Variants in TNC observed in about 807,000 individuals in gnomAD.
TNC encodes the protein tenascin.
In TNC, 109 loss-of-function variants were observed where a neutral mutation model predicts 202.4. The observed-to-expected ratio is 0.54, with a 90% CI of 0.46 to 0.63. The LOEUF is 0.63. Among genes scored for constraint, TNC ranks in the 30% least tolerant of loss-of-function variants. The probability of loss-of-function intolerance (pLI) is 0.00; values close to 1 mark genes in which losing one functional copy is unlikely to be tolerated. For missense variants in TNC, 2,756 were observed against 2,833.3 expected (o/e 0.97, Z 0.62); for synonymous variants, 1,007 against 1,089.7 (o/e 0.92, Z 1.50).
chr9:115,084,353 C>T lies in TNC; in HGVS notation c.1987G>A (p.Gly663Ser). ...GGCACACGGAACTGCATTTCCAGAC[C>T]ACCCTCGTGGGTGGGCGTGTACACG... ...LVVYTPTHEG[G>S]LEMQFRVPGD... Residue 663 changes from glycine (G) to serine (S), a missense_variant, in exon 4 of 28, where the codon GGT becomes AGT. Gly to Ser is a moderately conservative substitution (Grantham distance 56). Around this residue, in one of 2 missense-constraint regions of TNC, gnomAD observed 2,559 missense variants for 2,546.0 expected, o/e 1.01. Coordinates refer to ENST00000350763, the MANE Select transcript of TNC (RefSeq NM_002160.4). 4 of 1,614,188 alleles carry T rather than the reference C, an allele frequency of 2.5e-6. No individual in the cohort carries two copies. Among genetic ancestry groups the T allele is most frequent in the Non-Finnish European group, 3.4e-6 (4 of 1,180,042 alleles).
chr9:115,063,746 C>T lies in TNC; in HGVS notation c.3760+50G>A, dbSNP rs370296408. 1.4e-4 allele frequency: 224 copies of T among 1,571,796 alleles called. No individual in the cohort carries two copies. In the African/African-American group the frequency reaches 1.5e-3, roughly 10 times the overall value. On this transcript the variant is annotated intron_variant, in intron 12 of 27. Coordinates refer to ENST00000350763, the MANE Select transcript of TNC (RefSeq NM_002160.4). ...AGCAAGAAAGTGCTTTGATTCCTCCCGAGCAGAGACAAAGGGGAGGAAGTG... is the reference window on the plus strand; with the variant it reads ...AGCAAGAAAGTGCTTTGATTCCTCCTGAGCAGAGACAAAGGGGAGGAAGTG...
chr9:115,111,399 C>CTCTCTT (rs1174066886), intron 1 of TNC, among the ~76,000 whole-genome samples: 1 of 71,360 alleles, frequency 1.4e-5, no homozygotes, highest in East Asian at 6.5e-4. Context: ...CTCTCTCTCT[C>CTCTCTT]TTTTTTTTTT....
intron 22 of TNC, among the ~76,000 whole-genome samples, chr9:115,032,826 T>C (rs1190474978): frequency 1.3e-5 from 2 of 152,246 alleles, no homozygotes; most frequent in East Asian, 3.9e-4. Context: ...GTCTCTGTGC[T>C]GCTGTACAGA....
At chr9:115,091,989 T>G (rs945159370) in intron 1 of TNC, among the ~76,000 whole-genome samples, 4 of 152,154 alleles carry the variant, frequency 2.6e-5, no homozygotes, top group African/African-American at 9.7e-5. Flanking sequence ...ACTTATAGCA[T>G]TTTTACAGAG....
chr9:115,030,458 A>T, intron 23 of TNC, 53 bp from the exon 24 acceptor site: 2 of 1,550,922 alleles, frequency 1.3e-6, no homozygotes, highest in South Asian at 2.4e-5. Flanking sequence ...ACTGAGCTGG[A>T]GCTTAATTCT....
intron 10 of TNC, among the ~76,000 whole-genome samples, chr9:115,068,270 G>C (rs1833103314): frequency 6.6e-6 from 1 of 152,160 alleles, no homozygotes; most frequent in Non-Finnish European, 1.5e-5. Context: ...ATCTACCCTT[G>C]AACAATGTCA....
At chr9:115,080,488 T>G (rs1834221834) in intron 6 of TNC, among the ~76,000 whole-genome samples, 1 of 152,222 alleles carries the variant, frequency 6.6e-6, no homozygotes, top group Non-Finnish European at 1.5e-5. Context: ...CATTAGCAAC[T>G]GATTTAATTT....
chr9:115,026,421 G>T, intron 26 of TNC, 113 bp downstream of exon 26: 1 of 1,190,584 alleles, frequency 8.4e-7, no homozygotes, highest in Non-Finnish European at 1.2e-6. Context: ...AATATTTGTT[G>T]ATTTAATAAA....
intron 2 of TNC, among the ~76,000 whole-genome samples, chr9:115,089,603 T>G (rs1365782050): frequency 4.6e-5 from 7 of 152,056 alleles, no homozygotes; most frequent in Non-Finnish European, 1.0e-4. Flanking sequence ...CGGTTTCAAG[T>G]GATTCTCCTG....
At chr9:115,048,627 C>T in intron 15 of TNC, 95 bp from the exon 16 acceptor site, 1 of 1,252,036 alleles carries the variant, frequency 8.0e-7, no homozygotes. Flanking sequence ...ATACCCAAGT[C>T]CATCATTCAA....
At position 115,035,292 on chromosome 9, in the gene TNC, G is replaced by T. The variant is rs775636762; in HGVS notation, c.5699C>A (p.Ser1900Ter). 3 of 1,613,560 alleles carry T rather than the reference G, an allele frequency of 1.9e-6. No individual in the cohort carries two copies. The highest frequency in any genetic ancestry group is 1.1e-5 in the South Asian group (1 of 90,948). ...PRDLTATEVQ[S>*]ETALLTWRPP... is the part of the protein sequence containing the mutation. ...TCGCCAGGTAAGGAGGGCAGTTTCC[G>T]ACTGAACCTCAGTAGCAGTCAAGTC... Residue 1900 changes from serine (S) to a stop codon, truncating the protein, a stop_gained, in exon 22 of 28, where the codon TCG becomes TAG. Transcript: ENST00000350763. LOFTEE classifies it high-confidence loss of function.
intron 6 of TNC, among the ~76,000 whole-genome samples, chr9:115,079,534 G>T (rs1834139115): frequency 6.6e-6 from 1 of 152,126 alleles, no homozygotes; most frequent in Non-Finnish European, 1.5e-5. Flanking sequence ...TAAAGAAGTT[G>T]GGTTTCCGTC....
intron 1 of TNC, among the ~76,000 whole-genome samples, chr9:115,115,546 A>T (rs1837399584): frequency 6.6e-6 from 1 of 152,232 alleles, no homozygotes; most frequent in Non-Finnish European, 1.5e-5. Context: ...CAGTTTAGAG[A>T]GTAGGCTCAT....
intron 9 of TNC, among the ~76,000 whole-genome samples, chr9:115,075,714 G>A (rs1833793855): frequency 6.6e-6 from 1 of 152,114 alleles, no homozygotes; most frequent in South Asian, 2.1e-4. Context: ...GAACCCTGGA[G>A]GCGGAGGTTG....
At chr9:115,071,826 T>C (rs1833490690) in intron 10 of TNC, among the ~76,000 whole-genome samples, 1 of 152,234 alleles carries the variant, frequency 6.6e-6, no homozygotes, top group Admixed American at 6.5e-5. Context: ...TGACACTTTA[T>C]AACAAGCTCA....
chr9:115,104,344 C>T (rs896262939), intron 1 of TNC, among the ~76,000 whole-genome samples: 1 of 152,126 alleles, frequency 6.6e-6, no homozygotes, highest in Non-Finnish European at 1.5e-5. Flanking sequence ...CAACACAACC[C>T]TAAATAAGAG....
In TNC at chr9:115,089,478, ATCTCTC is replaced by A. The variant is rs34987920; in HGVS notation, c.457+1078_457+1083del. Among the ~76,000 whole-genome samples, 375 of 148,602 alleles carry A rather than the reference ATCTCTC, an allele frequency of 2.5e-3. 1 individual carries two copies. Among genetic ancestry groups the A allele is most frequent in the African/African-American group, 8.5e-3 (345 of 40,538 alleles). On this transcript the variant is annotated intron_variant, in intron 2 of 27. Coordinates refer to ENST00000350763, the MANE Select transcript of TNC (RefSeq NM_002160.4). ...ACACACAGGCACATGCAAAATCCCT[ATCTCTC>A]TCTCTCTCTCTCTCTCTCTATCTCT...
Position 115,020,055 on chromosome 9 carries a change from T to C in TNC, c.*1102A>G, listed in dbSNP as rs1488806711. Reference sequence around the variant, plus strand: ...GCTTTTTTTTTCTTTTCTTTTTTTATTTAGAGACAGGGTCTCCCTCTGTTG... The same window carrying C: ...GCTTTTTTTTTCTTTTCTTTTTTTACTTAGAGACAGGGTCTCCCTCTGTTG... On this transcript the variant is annotated 3_prime_UTR_variant, in exon 28 of 28. Coordinates refer to ENST00000350763, the MANE Select transcript of TNC (RefSeq NM_002160.4). The C allele has an allele frequency of 6.6e-6, 1 of 152,022 alleles. No homozygotes were observed. The highest frequency in any genetic ancestry group is 1.9e-4 in the East Asian group (1 of 5,194). 9.4% of individuals were successfully genotyped at this position (152,022 alleles called of 1,614,324 possible). A position where few individuals can be genotyped will look rare whatever the true frequency, so the allele number is the denominator to read the frequency against.
At chr9:115,104,894 C>T (rs561630067) in intron 1 of TNC, among the ~76,000 whole-genome samples, 47 of 152,234 alleles carry the variant, frequency 3.1e-4, no homozygotes, top group African/African-American at 1.1e-3. Flanking sequence ...ATTAGGCTTT[C>T]GGGAAAAGGT....
Sources: gnomAD v4.1 joint callset for allele counts (sites outside exome capture counted in the v4.1 genomes callset) on GRCh38, gnomAD v4.1.1 for gene constraint, gnomAD v4.1.1 regional missense constraint, MANE v1.5 for transcripts, NCBI Gene and HGNC (gene_info 2026-07-23, HGNC 2026-07-21) for gene names.